CCDC148: variants seen among roughly 807,000 people sequenced by gnomAD.
The protein encoded by CCDC148 is coiled-coil domain-containing protein 148.
A neutral mutation model predicts 85.7 loss-of-function variants in CCDC148; 89 were observed. That is an observed-to-expected ratio of 1.04 (90% CI 0.87 to 1.24). The LOEUF (loss-of-function observed/expected upper bound fraction) is 1.24, where lower values mean the gene tolerates loss of function less well. Among genes scored for constraint, CCDC148 ranks in the 50% most tolerant of loss-of-function variants. The pLI, the probability that CCDC148 is intolerant of heterozygous loss-of-function variation, is 0.00. For synonymous variants in CCDC148, 230 were observed against 213.9 expected (o/e 1.08, Z -0.66); for missense variants, 692 against 671.7 (o/e 1.03, Z -0.33).
chr2:158,322,045 C>T (rs1441289630), intron 7 of CCDC148, among the ~76,000 whole-genome samples: 4 of 152,132 alleles, frequency 2.6e-5, no homozygotes, highest in Non-Finnish European at 5.9e-5. Flanking sequence ...ATAAAGTCTA[C>T]TAATGAAAAC....
chr2:158,182,037 G>C (rs1684929862), intron 11 of CCDC148, among the ~76,000 whole-genome samples: 1 of 152,038 alleles, frequency 6.6e-6, no homozygotes, highest in African/African-American at 2.4e-5. Context: ...TTTTATGGGA[G>C]AGGGAAAGAG....
At chr2:158,386,955 T>C (rs1418612694) in intron 1 of CCDC148, among the ~76,000 whole-genome samples, 1 of 152,166 alleles carries the variant, frequency 6.6e-6, no homozygotes, top group Non-Finnish European at 1.5e-5. Flanking sequence ...TTCAAACTCA[T>C]GGTTACATTC....
intron 11 of CCDC148, among the ~76,000 whole-genome samples, chr2:158,205,739 G>C (rs560322484): frequency 9.9e-5 from 15 of 152,280 alleles, no homozygotes; most frequent in East Asian, 9.7e-4. Context: ...TTTAGTGAGT[G>C]ATCTGAACAG....
chr2:158,449,916 G>C (rs1174011152), intron 1 of CCDC148, among the ~76,000 whole-genome samples: 1 of 151,898 alleles, frequency 6.6e-6, no homozygotes. Flanking sequence ...TCTATTCTTA[G>C]TATGTTGAGC....
chr2:158,365,752 C>T lies in CCDC148; in HGVS notation c.26-7182G>A, dbSNP rs188657273. 2.7e-3 allele frequency among the ~76,000 whole-genome samples: 403 copies of T among 152,058 alleles called. 3 individuals are homozygous for T. Among genetic ancestry groups the T allele is most frequent in the African/African-American group, 9.0e-3 (375 of 41,458 alleles). On this transcript the variant is annotated intron_variant, in intron 1 of 13. Coordinates refer to ENST00000283233, the MANE Select transcript of CCDC148 (RefSeq NM_138803.4). The stretch of plus-strand genomic sequence containing the variant: ...TCAAACCACCATGGCATGTGTATAC[C>T]TATGTAACAAACCTTCACATTCTGT...
At chr2:158,304,141 G>C (rs979670288) in intron 9 of CCDC148, among the ~76,000 whole-genome samples, 3 of 152,102 alleles carry the variant, frequency 2.0e-5, no homozygotes, top group Non-Finnish European at 2.9e-5. Context: ...ATCAGTGCCT[G>C]GTTCCAAGAG....
chr2:158,221,179 T>C (rs892327035), intron 10 of CCDC148, among the ~76,000 whole-genome samples: 1 of 152,234 alleles, frequency 6.6e-6, no homozygotes, highest in African/African-American at 2.4e-5. Context: ...GAAAGCTTTA[T>C]GCTTCTGGGG....
intron 2 of CCDC148, among the ~76,000 whole-genome samples, chr2:158,351,466 G>GGGGTGACGAA (rs1683279164): frequency 9.4e-5 from 1 of 10,634 alleles, no homozygotes; most frequent in Non-Finnish European, 2.5e-4. Context: ...GTCAAAGAAA[G>GGGGTGACGAA]GGGCACCTGG....
intron 9 of CCDC148, among the ~76,000 whole-genome samples, chr2:158,251,135 T>C (rs1688776410): frequency 6.6e-6 from 1 of 151,850 alleles, no homozygotes; most frequent in Non-Finnish European, 1.5e-5. Context: ...ATTCTTCACC[T>C]GGATTCATGG....
At chr2:158,212,462 C>T (rs535252171) in intron 11 of CCDC148, among the ~76,000 whole-genome samples, 1 of 152,208 alleles carries the variant, frequency 6.6e-6, no homozygotes, top group African/African-American at 2.4e-5. Flanking sequence ...AAACATCTGG[C>T]TTTGTTACTT....
At chr2:158,213,583 GC>G (rs1454045499) in intron 11 of CCDC148, among the ~76,000 whole-genome samples, 1 of 152,152 alleles carries the variant, frequency 6.6e-6, no homozygotes, top group African/African-American at 2.4e-5. Context: ...GGGGAGAAAG[GC>G]CCCTGTGCTT....
rs1323473493 is a variant in CCDC148, at chr2:158,178,988, T to A, written c.1379A>T (p.Tyr460Phe). Residue 460 changes from tyrosine to phenylalanine, a missense_variant, in exon 12 of 14, where the codon TAT (tyrosine) becomes TTT (phenylalanine). Physicochemically the swap from Tyr to Phe is conservative, Grantham distance 22. Coordinates refer to ENST00000283233, the MANE Select transcript of CCDC148 (RefSeq NM_138803.4). ...QSLKDRERVK[Y>F]RQELLERRLM... ...ACGCCTTTCCAATAATTCTTGTCTA[T>A]ATTTAACCCTTTAAAAATAACACAG... is the stretch of plus-strand genomic sequence containing the variant. The A allele has an allele frequency of 1.2e-6, 2 of 1,610,382 alleles. No individual in the cohort carries two copies. Among genetic ancestry groups the A allele is most frequent in the Non-Finnish European group, 1.7e-6 (2 of 1,177,448 alleles).
At chr2:158,429,368 GATA>G (rs1687229846) in intron 1 of CCDC148, among the ~76,000 whole-genome samples, 1 of 147,240 alleles carries the variant, frequency 6.8e-6, no homozygotes, top group African/African-American at 2.6e-5. Flanking sequence ...TGAATAGATA[GATA>G]GATAGATAGA....
At chr2:158,424,484 G>T (rs537415930) in intron 1 of CCDC148, among the ~76,000 whole-genome samples, 1 of 152,046 alleles carries the variant, frequency 6.6e-6, no homozygotes, top group Admixed American at 6.6e-5. Flanking sequence ...ACCAAACACC[G>T]CATGTTCTCA....
chr2:158,255,924 G>A (rs1688992437), intron 9 of CCDC148, among the ~76,000 whole-genome samples: 1 of 151,706 alleles, frequency 6.6e-6, no homozygotes, highest in Non-Finnish European at 1.5e-5. Context: ...GAGGATAAAT[G>A]ACATTTAAAA....
intron 1 of CCDC148, among the ~76,000 whole-genome samples, chr2:158,361,431 T>C (rs1046356124): frequency 6.6e-6 from 1 of 152,050 alleles, no homozygotes; most frequent in Non-Finnish European, 1.5e-5. Context: ...GAGAGAAAGG[T>C]TGGTTACCCA....
At chr2:158,351,507 G>A (rs182415805) in intron 2 of CCDC148, among the ~76,000 whole-genome samples, 4 of 151,702 alleles carry the variant, frequency 2.6e-5, no homozygotes, top group Non-Finnish European at 1.5e-5. Flanking sequence ...TGAATACTGC[G>A]CTTTTCCGAC....
At chr2:158,260,118 T>C (rs778685305) in intron 9 of CCDC148, among the ~76,000 whole-genome samples, 8 of 151,980 alleles carry the variant, frequency 5.3e-5, no homozygotes, top group African/African-American at 9.7e-5. Context: ...AGCTCCATGA[T>C]AGCAGGGACT....
chr2:158,340,540 C>A, intron 4 of CCDC148, 58 bp downstream of exon 4: 1 of 1,396,358 alleles, frequency 7.2e-7, no homozygotes, highest in Non-Finnish European at 9.9e-7. Context: ...AGTGAGTGGC[C>A]CATTCTCATT....
Sources: allele counts gnomAD v4.1 joint callset (sites outside exome capture counted in the v4.1 genomes callset), GRCh38; gene constraint gnomAD v4.1.1; transcripts MANE v1.5; gene names NCBI Gene and HGNC (gene_info 2026-07-23, HGNC 2026-07-21).